Variants in ACSL6 observed in about 807,000 individuals in gnomAD.
ACSL6 encodes the protein long-chain-fatty-acid--CoA ligase 6.
In ACSL6, 47 loss-of-function variants were observed where a neutral mutation model predicts 98.2. That is an observed-to-expected ratio of 0.48 (90% CI 0.38 to 0.61). The LOEUF is 0.61. Ranked by LOEUF, ACSL6 falls within the 20% of genes least tolerant of loss-of-function variation. The pLI, the probability that ACSL6 is intolerant of heterozygous loss-of-function variation, is 0.00. For missense variants in ACSL6, 761 were observed against 913.4 expected, an observed-to-expected ratio of 0.83 and a Z score of 2.15; for synonymous variants, 362 against 336.9, an observed-to-expected ratio of 1.07 and a Z score of -0.82.
Position 131,949,975 on chromosome 5 carries a change from T to C in ACSL6, c.*4259A>G, listed in dbSNP as rs1387479666. ...ATAAAATAGTAATTATAAGCAACTT[T>C]GAGAAATGAAAAATCTTTTATTTTT... On this transcript the variant is annotated 3_prime_UTR_variant, in exon 21 of 21. Transcript: ENST00000651883. 1 of 170,684 alleles carries C rather than the reference T, an allele frequency of 5.9e-6. No homozygotes were observed. The highest frequency in any genetic ancestry group is 2.4e-5 in the African/African-American group (1 of 42,086). 10.6% of individuals were successfully genotyped at this position (170,684 alleles called of 1,614,324 possible). A position where few individuals can be genotyped will look rare whatever the true frequency, so the allele number is the denominator to read the frequency against.
At position 131,954,196 on chromosome 5, in the gene ACSL6, A is replaced by C; in HGVS notation, c.*38T>G. On this transcript the variant is annotated 3_prime_UTR_variant, in exon 21 of 21. Coordinates refer to ENST00000651883, the MANE Select transcript of ACSL6 (RefSeq NM_001009185.3). ...TTTCAAGAATAACTATAATATTGCT[A>C]GACAGTTCATTACACTGAGAAGAAC... The C allele has an allele frequency of 6.3e-7, 1 of 1,580,088 alleles. No homozygotes were observed. Among genetic ancestry groups the C allele is most frequent in the Admixed American group, 1.9e-5 (1 of 52,718 alleles).
chr5:132,004,827 A>G (rs1444653414), intron 1 of ACSL6, among the ~76,000 whole-genome samples: 1 of 152,170 alleles, frequency 6.6e-6, no homozygotes, highest in East Asian at 1.9e-4. Flanking sequence ...ACCTAGGCTT[A>G]GGGGAGTTGG....
In ACSL6 at chr5:132,001,004, A is replaced by G. The variant is rs144754561; in HGVS notation, c.50-6753T>C. Among the ~76,000 whole-genome samples, 173 of 151,948 alleles carry G rather than the reference A, an allele frequency of 1.1e-3. 2 individuals are homozygous for G. The highest frequency in any genetic ancestry group is 3.1e-3 in the Admixed American group (47 of 15,278). Reference sequence around the variant, plus strand: ...CGACCCTCATCTGGAACTTGGCCCTAGCTTCCCCCAACCCACCCCGATTAA... The same window carrying G: ...CGACCCTCATCTGGAACTTGGCCCTGGCTTCCCCCAACCCACCCCGATTAA... On this transcript the variant is annotated intron_variant, in intron 1 of 20. Transcript: ENST00000651883.
chr5:131,988,994 T>A, intron 5 of ACSL6, 90 bp from the exon 6 acceptor site: 1 of 1,159,554 alleles, frequency 8.6e-7, no homozygotes. Flanking sequence ...GTCCCTGCTC[T>A]AAGCCCTATG....
intron 4 of ACSL6, 56 bp from the exon 5 acceptor site, chr5:131,989,564 G>C: frequency 1.1e-6 from 1 of 927,910 alleles, no homozygotes; most frequent in South Asian, 1.4e-5. Context: ...ACAGGGGAAG[G>C]AGATCCCCAG....
intron 13 of ACSL6, among the ~76,000 whole-genome samples, chr5:131,972,493 T>A (rs572393166): frequency 2.0e-5 from 3 of 152,264 alleles, no homozygotes; most frequent in African/African-American, 7.2e-5. Flanking sequence ...TCAAGGGACC[T>A]ACTATCCATA....
Position 131,966,431 on chromosome 5 carries a change from G to C in ACSL6, c.1698C>G (p.Ile566Met). ...DSDGWLHTGD[I>M]GKWLPAGTLK... ...ACATACACACCGGCAGCCATTTTCC[G>C]ATGTCTCCAGTGTGAAGCCAGCCAT... Residue 566 changes from isoleucine (I) to methionine (M), a missense_variant, in exon 17 of 21, where the codon ATC becomes ATG. Physicochemically the swap from Ile to Met is conservative, Grantham distance 10 (BLOSUM62 1). Coordinates refer to ENST00000651883, the MANE Select transcript of ACSL6 (RefSeq NM_001009185.3). The C allele has an allele frequency of 1.2e-6, 2 of 1,614,118 alleles. No homozygotes were observed. The highest frequency in any genetic ancestry group is 1.7e-6 in the Non-Finnish European group (2 of 1,180,008).
At chr5:131,980,013 C>T (rs1580660096) in intron 9 of ACSL6, among the ~76,000 whole-genome samples, 2 of 152,176 alleles carry the variant, frequency 1.3e-5, no homozygotes, top group Non-Finnish European at 2.9e-5. Context: ...TGCTGGGTGA[C>T]GATCTGCCCT....
Position 131,954,344 on chromosome 5 carries a change from T to C in ACSL6, c.2059A>G (p.Met687Val). ...QVKAIHIHSD[M>V]FSVQNGLLTP... is the part of the protein sequence containing the mutation. ...AGCAAGCCATTTTGAACTGAGAACA[T>C]GTCAGAATGGATGTGAATGGCTTTA... The change falls in exon 21 of 21, where the codon ATG becomes GTG. Residue 687 changes from methionine to valine, a missense_variant. Coordinates refer to ENST00000651883, the MANE Select transcript of ACSL6 (RefSeq NM_001009185.3). 6.2e-7 allele frequency: 1 copy of C among 1,613,862 alleles called. No homozygotes were observed. Among genetic ancestry groups the C allele is most frequent in the Non-Finnish European group, 8.5e-7 (1 of 1,179,938 alleles).
At chr5:131,970,325 G>T in intron 14 of ACSL6, 125 bp from the exon 15 acceptor site, 1 of 769,628 alleles carries the variant, frequency 1.3e-6, no homozygotes, top group Non-Finnish European at 2.2e-6. Context: ...GGCGATGGAG[G>T]GAGGGAGGTG....
intron 1 of ACSL6, among the ~76,000 whole-genome samples, chr5:131,997,989 G>C (rs1345324197): frequency 1.3e-5 from 2 of 152,226 alleles, no homozygotes; most frequent in African/African-American, 4.8e-5. Flanking sequence ...CCAAGCCTTT[G>C]ACATGGGGAG....
Position 132,011,232 on chromosome 5 carries a change from C to CG in ACSL6, c.49+272dup, listed in dbSNP as rs761079693. On this transcript the variant is annotated intron_variant, in intron 1 of 20. Transcript: ENST00000651883. This position sits in a 1 kb window ranked among gnomAD's most constrained non-coding sequence, Gnocchi z 5.4. The stretch of plus-strand genomic sequence containing the variant: ...GGTCCTTGCCATCAGGGAAGGGGGA[C>CG]GCAAGAACTCGGCGGGGGTTTGTGG... 5.3e-5 allele frequency among the ~76,000 whole-genome samples: 8 copies of CG among 152,092 alleles called. No homozygotes were observed. In the East Asian group the frequency reaches 5.8e-4, roughly 11 times the overall value.
Position 131,963,047 on chromosome 5 carries a change from C to T in ACSL6, c.1714-369G>A, listed in dbSNP as rs142889534. 3.7e-3 allele frequency among the ~76,000 whole-genome samples: 568 copies of T among 152,220 alleles called. 4 individuals carry two copies. The highest frequency in any genetic ancestry group is 0.013 in the African/African-American group (538 of 41,520). On this transcript the variant is annotated intron_variant, in intron 17 of 20. Transcript: ENST00000651883. ...ACCCCTCTTGCACACACCCTTGTTC[C>T]AGGTGCCCTTTTTCTCACCAGCATC... is the stretch of plus-strand genomic sequence containing the variant.
rs1006562831 is a variant in ACSL6, at chr5:132,011,403, G to C, written c.49+102C>G. 1.6e-6 allele frequency: 2 copies of C among 1,270,666 alleles called. No homozygotes were observed. The highest frequency in any genetic ancestry group is 3.0e-5 in the African/African-American group (2 of 67,406). 78.7% of individuals were successfully genotyped at this position (1,270,666 alleles called of 1,614,324 possible). ...ACGGGACAGCTCAGCAGCAGGGGAT[G>C]GGGGCTCGGCGGCCGCGGAGATGTA... On this transcript the variant is annotated intron_variant, in intron 1 of 20. Transcript: ENST00000651883. This position sits in a 1 kb window ranked among gnomAD's most constrained non-coding sequence, Gnocchi z 5.4.
chr5:131,986,381 C>G (rs1285301618), intron 8 of ACSL6, among the ~76,000 whole-genome samples: 2 of 152,158 alleles, frequency 1.3e-5, no homozygotes, highest in African/African-American at 4.8e-5. Context: ...GTGGCTCAAC[C>G]CCAGGAAGTA....
Position 131,961,579 on chromosome 5 carries a change from C to T in ACSL6, c.1857+956G>A, listed in dbSNP as rs1752714358. Among the ~76,000 whole-genome samples, 3 of 151,772 alleles carry T rather than the reference C, an allele frequency of 2.0e-5. No individual in the cohort carries two copies. The South Asian group carries it at 6.3e-4, about 32-fold the overall frequency. On this transcript the variant is annotated intron_variant, in intron 18 of 20. Coordinates refer to ENST00000651883, the MANE Select transcript of ACSL6 (RefSeq NM_001009185.3). ...AGGTGTGGTGGTGGGCGCCTGTAGT[C>T]CCAGCTACTCGGGAGTCTGAGGCAA...
At chr5:131,955,581 A>G (rs1265651109) in intron 20 of ACSL6, among the ~76,000 whole-genome samples, 2 of 152,166 alleles carry the variant, frequency 1.3e-5, no homozygotes, top group Non-Finnish European at 2.9e-5. Flanking sequence ...TAGAAAGGAA[A>G]TGGAGAAGGG....
chr5:131,989,448 T>C lies in ACSL6; in HGVS notation c.511A>G (p.Thr171Ala), dbSNP rs755792190. The C allele has an allele frequency of 1.2e-6, 2 of 1,613,890 alleles. No homozygotes were observed. The highest frequency in any genetic ancestry group is 1.7e-6 in the Non-Finnish European group (2 of 1,179,942). The change falls in exon 5 of 21, where the codon ACT (threonine) becomes GCT (alanine). Residue 171 changes from threonine (T) to alanine (A), a missense_variant. Transcript: ENST00000651883. Reference protein sequence around the residue: ...GLLQHNCKACTDQFIGVFAQN... With the variant: ...GLLQHNCKACADQFIGVFAQN... The stretch of plus-strand genomic sequence containing the variant: ...GCAAAAACACCAATAAACTGATCAG[T>C]GCATGCTTTACAATTGTGCTGGAGA...
intron 12 of ACSL6, 56 bp downstream of exon 12, chr5:131,973,210 C>T (rs1488980138): frequency 6.3e-7 from 1 of 1,587,288 alleles, no homozygotes; most frequent in African/African-American, 1.3e-5. Flanking sequence ...AGACCCTGTC[C>T]AAACAAGCAA....
Sources: gnomAD v4.1 joint callset for allele counts (sites outside exome capture counted in the v4.1 genomes callset) on GRCh38, gnomAD v4.1.1 for gene constraint, Gnocchi (gnomAD v3.1) non-coding constraint, MANE v1.5 for transcripts, NCBI Gene and HGNC (gene_info 2026-07-23, HGNC 2026-07-21) for gene names.